The following SLC27A6 variants were observed in gnomAD, a reference collection of about 807,000 sequenced individuals.
The protein encoded by SLC27A6 is solute carrier family 27 member 6, also known as long-chain fatty acid transport protein 6.
SLC27A6 carries 74 observed loss-of-function variants against 63.9 expected under a neutral mutation model. The ratio of observed to expected loss-of-function variants is 1.16; its 90% CI spans 0.96 to 1.40. The LOEUF (loss-of-function observed/expected upper bound fraction) is 1.40. Among genes scored for constraint, SLC27A6 ranks in the 40% most tolerant of loss-of-function variants. The pLI is 0.00. For missense variants in SLC27A6, 794 were observed against 732.9 expected, an observed-to-expected ratio of 1.08 and a Z score of -0.96; for synonymous variants, 287 against 260.8, an observed-to-expected ratio of 1.10 and a Z score of -0.97.
intron 4 of SLC27A6, among the ~76,000 whole-genome samples, chr5:128,993,569 G>T (rs1299931324): frequency 1.3e-5 from 2 of 151,888 alleles, no homozygotes; most frequent in Non-Finnish European, 2.9e-5. Flanking sequence ...TCATTTATTT[G>T]TCTGGTACAT....
intron 1 of SLC27A6, among the ~76,000 whole-genome samples, chr5:128,974,954 T>G (rs927287704): frequency 6.6e-6 from 1 of 152,240 alleles, no homozygotes; most frequent in Non-Finnish European, 1.5e-5. Context: ...CCTGGGGCTT[T>G]TAATAAGGGA....
At chr5:129,003,871 G>C (rs541356663) in intron 4 of SLC27A6, among the ~76,000 whole-genome samples, 1 of 151,684 alleles carries the variant, frequency 6.6e-6, no homozygotes, top group East Asian at 1.9e-4. Flanking sequence ...GGGAAGGTGA[G>C]GTGGGAGGAT....
In SLC27A6 at chr5:128,993,223, T is replaced by C. The variant is rs1474167762; in HGVS notation, c.969+2759T>C. ...GTTATTAAAAATAGTGGTTTTCCAG[T>C]TGTGCTTCTTGGAAAATTAGAAGCT... On this transcript the variant is annotated intron_variant, in intron 4 of 9. Transcript: ENST00000262462. Among the ~76,000 whole-genome samples the C allele has an allele frequency of 3.9e-5, 6 of 152,324 alleles. No individual in the cohort carries two copies. In the Middle Eastern group the frequency reaches 0.01, roughly 259 times the overall value.
At chr5:128,970,549 G>T (rs1293098051) in intron 1 of SLC27A6, among the ~76,000 whole-genome samples, 2 of 152,134 alleles carry the variant, frequency 1.3e-5, no homozygotes, top group Non-Finnish European at 2.9e-5. Context: ...TTTGCGTAGA[G>T]GTGTTTATAG....
At chr5:128,966,909 G>A (rs1341530175) in intron 1 of SLC27A6, among the ~76,000 whole-genome samples, 1 of 152,168 alleles carries the variant, frequency 6.6e-6, no homozygotes, top group African/African-American at 2.4e-5. Context: ...AGAGAACTTG[G>A]TCACTTCTAA....
At chr5:128,995,480 A>G (rs1000240653) in intron 4 of SLC27A6, among the ~76,000 whole-genome samples, 2 of 152,230 alleles carry the variant, frequency 1.3e-5, no homozygotes, top group African/African-American at 4.8e-5. Context: ...ACAGACAATG[A>G]CAAAGGTTAT....
Position 128,990,322 on chromosome 5 carries a change from T to G in SLC27A6, c.845-18T>G, listed in dbSNP as rs983649543. On this transcript the variant is annotated intron_variant, in intron 3 of 9. Coordinates refer to ENST00000262462, the MANE Select transcript of SLC27A6 (RefSeq NM_001017372.3). ...TTGAATTTTTTTCCCTAGTGCCTGT[T>G]TTTGTCTTTTCTTATAGGTGCCACT... The G allele has an allele frequency of 6.2e-7, 1 of 1,606,846 alleles. No individual in the cohort carries two copies. Among genetic ancestry groups the G allele is most frequent in the Non-Finnish European group, 8.5e-7 (1 of 1,178,308 alleles).
At chr5:128,972,068 T>C (rs900673290) in intron 1 of SLC27A6, among the ~76,000 whole-genome samples, 1 of 152,192 alleles carries the variant, frequency 6.6e-6, no homozygotes, top group African/African-American at 2.4e-5. Flanking sequence ...AATTGTTTTC[T>C]TTAAGAATGT....
At chr5:129,023,113 C>T (rs995419267) in intron 5 of SLC27A6, among the ~76,000 whole-genome samples, 3 of 151,716 alleles carry the variant, frequency 2.0e-5, no homozygotes, top group Admixed American at 1.3e-4. Flanking sequence ...GGGAAAAGGA[C>T]AAAGTGGCTG....
chr5:128,976,744 T>C (rs1374271593), intron 1 of SLC27A6, among the ~76,000 whole-genome samples: 2 of 152,218 alleles, frequency 1.3e-5, no homozygotes, highest in Non-Finnish European at 2.9e-5. Flanking sequence ...ATTTTGTGTT[T>C]ATAGAGAAGA....
rs549901731 is a variant in SLC27A6 at position 129,027,148 on chromosome 5, T to A, written c.1271T>A (p.Leu424His). 2.5e-4 allele frequency: 411 copies of A among 1,613,328 alleles called. 5 individuals carry two copies. In the South Asian group the frequency reaches 4.2e-3, roughly 16 times the overall value. Residue 424 changes from leucine (L) to histidine (H), a missense_variant, in exon 7 of 10, where the codon CTC (leucine) becomes CAC (histidine). Leu to His is a moderately conservative substitution (Grantham distance 99). Coordinates refer to ENST00000262462, the MANE Select transcript of SLC27A6 (RefSeq NM_001017372.3). ...TTTCTTGCAGGAGAACCTGGACTTC[T>A]CATTTCTCGAGTGAATGCAAAAAAT... Reference protein sequence around the residue: ...IHVKKGEPGLLISRVNAKNPF... With the variant: ...IHVKKGEPGLHISRVNAKNPF...
chr5:129,006,446 A>AGTGT (rs72056782), intron 4 of SLC27A6, among the ~76,000 whole-genome samples: 21,206 of 143,886 alleles, frequency 0.15, 1,642 homozygotes, highest in South Asian at 0.18. Flanking sequence ...TATATGCATG[A>AGTGT]GTGTGTGTGT....
chr5:129,023,543 TA>T, intron 5 of SLC27A6, 76 bp from the exon 6 acceptor site: 1 of 993,402 alleles, frequency 1.0e-6, no homozygotes, highest in Non-Finnish European at 1.5e-6. Flanking sequence ...TACAGTAGAC[TA>T]AATTGCTTGT....
chr5:129,023,785 T>C, intron 6 of SLC27A6, 75 bp downstream of exon 6: 1 of 1,059,330 alleles, frequency 9.4e-7, no homozygotes, highest in Non-Finnish European at 1.4e-6. Flanking sequence ...CTTGGTATCC[T>C]TGGGGGATTG....
intron 4 of SLC27A6, among the ~76,000 whole-genome samples, chr5:128,994,025 G>A (rs573289777): frequency 8.6e-5 from 13 of 152,038 alleles, no homozygotes; most frequent in South Asian, 8.3e-4. Context: ...AAAATTAGCC[G>A]GGCGTGGTGG....
In SLC27A6 at chr5:129,029,511, G is replaced by A. The variant is rs994521757; in HGVS notation, c.1553-66G>A. On this transcript the variant is annotated intron_variant, in intron 8 of 9. Coordinates refer to ENST00000262462, the MANE Select transcript of SLC27A6 (RefSeq NM_001017372.3). Reference sequence around the variant, plus strand: ...TGTCTCCATGTGTGCCAATTAGCATGTACAGAATTATCTTTTAAAGTTTAT... The same window carrying A: ...TGTCTCCATGTGTGCCAATTAGCATATACAGAATTATCTTTTAAAGTTTAT... The A allele has an allele frequency of 6.4e-6, 7 of 1,100,592 alleles. No individual in the cohort carries two copies. The African/African-American group carries it at 1.1e-4, about 18-fold the overall frequency. The allele number at this position is 1,100,592 out of a possible 1,614,324, so 68.2% of individuals were successfully genotyped here.
intron 4 of SLC27A6, among the ~76,000 whole-genome samples, chr5:129,012,234 G>T (rs191246231): frequency 1.3e-5 from 2 of 151,160 alleles, no homozygotes; most frequent in South Asian, 2.1e-4. Context: ...GTTGTTTAAA[G>T]GTGTATTATT....
At chr5:128,992,502 A>G (rs1180132885) in intron 4 of SLC27A6, among the ~76,000 whole-genome samples, 1 of 152,208 alleles carries the variant, frequency 6.6e-6, no homozygotes, top group African/African-American at 2.4e-5. Context: ...GGCAGAAGCC[A>G]TCCTTACTCA....
At chr5:129,021,078 T>C (rs1752059294) in intron 5 of SLC27A6, among the ~76,000 whole-genome samples, 3 of 151,334 alleles carry the variant, frequency 2.0e-5, no homozygotes, top group Admixed American at 1.3e-4. Flanking sequence ...TTCCATCTCC[T>C]GCCCCTTGGG....
Sources: allele counts gnomAD v4.1 joint callset (sites outside exome capture counted in the v4.1 genomes callset), GRCh38; gene constraint gnomAD v4.1.1; transcripts MANE v1.5; gene names NCBI Gene and HGNC (gene_info 2026-07-23, HGNC 2026-07-21).